PPARA: variants seen among roughly 807,000 people sequenced by gnomAD.
The protein encoded by PPARA is peroxisome proliferator-activated receptor alpha.
A neutral mutation model predicts 42.2 loss-of-function variants in PPARA; 22 were observed. The ratio of observed to expected loss-of-function variants is 0.52; its 90% CI spans 0.37 to 0.74. The LOEUF is 0.74. PPARA is among the 30% of genes least tolerant of loss of function. PPARA has a pLI of 0.00. For synonymous variants in PPARA, 242 were observed against 239.3 expected, an observed-to-expected ratio of 1.01 and a Z score of -0.10; for missense variants, 465 against 608.2, an observed-to-expected ratio of 0.76 and a Z score of 2.48.
rs1933936637 is a variant in PPARA, at chr22:46,211,555, C to T, written c.209-3618C>T. ...TTGTTTTGTTACATTCTGCATTTCA[C>T]CCTGGGATCCTCCAACCTCCTAAGT... On this transcript the variant is annotated intron_variant, in intron 4 of 8. Coordinates refer to ENST00000407236, the MANE Select transcript of PPARA (RefSeq NM_005036.6). This position sits in a 1 kb window ranked among gnomAD's most constrained non-coding sequence, Gnocchi z 4.1. Among the ~76,000 whole-genome samples, 1 of 152,190 alleles carries T rather than the reference C, an allele frequency of 6.6e-6. No homozygotes were observed. Among genetic ancestry groups the T allele is most frequent in the Non-Finnish European group, 1.5e-5 (1 of 68,038 alleles).
intron 2 of PPARA, among the ~76,000 whole-genome samples, chr22:46,169,476 T>C (rs1453618332): frequency 5.3e-5 from 8 of 151,740 alleles, no homozygotes; most frequent in Non-Finnish European, 1.2e-4. Flanking sequence ...TGTCGTGATC[T>C]GCCCGCCTCG....
rs1601616092 is a variant in PPARA at position 46,165,422 on chromosome 22, T to C, written c.-126-11331T>C. 2 of 152,132 alleles carry C rather than the reference T, an allele frequency of 1.3e-5. No homozygotes were observed. Among genetic ancestry groups the C allele is most frequent in the Admixed American group, 1.3e-4 (2 of 15,264 alleles). The allele number at this position is 152,132 out of a possible 1,614,324, so 9.4% of individuals were successfully genotyped here. A position where few individuals can be genotyped will look rare whatever the true frequency, so the allele number is the denominator to read the frequency against. On this transcript the variant is annotated intron_variant, in intron 2 of 8. Transcript: ENST00000407236. The surrounding 1 kb of genome is among the most constrained non-coding windows in gnomAD (Gnocchi z 5.5). ...GAATCTTTAAACATATGTGGAGGAA[T>C]TGGAGAGTTTACAAGATAGTGAAGA...
At position 46,232,315 on chromosome 22, in the gene PPARA, C is replaced by T; in HGVS notation, c.1159+76C>T. On this transcript the variant is annotated intron_variant, in intron 8 of 8. Coordinates refer to ENST00000407236, the MANE Select transcript of PPARA (RefSeq NM_005036.6). The surrounding 1 kb of genome is among the most constrained non-coding windows in gnomAD (Gnocchi z 5.3). ...CTTGAAAAATTTGACAATGGGAAAT[C>T]CAGTACCAGCCTGAGCTGTTCCAGT... The T allele has an allele frequency of 6.9e-7, 1 of 1,454,378 alleles. No homozygotes were observed. Among genetic ancestry groups the T allele is most frequent in the Non-Finnish European group, 9.6e-7 (1 of 1,037,870 alleles). The allele number at this position is 1,454,378 out of a possible 1,614,324, so 90.1% of individuals were successfully genotyped here. A position where few individuals can be genotyped will look rare whatever the true frequency, so the allele number is the denominator to read the frequency against.
chr22:46,230,079 A>G lies in PPARA; in HGVS notation c.712-1713A>G, dbSNP rs1280202640. Reference sequence around the variant, plus strand: ...TCCACTGTTCCAGCAGTGATTAGAAATAACGCTGTAGGCCGGGCGCGGTGG... The same window carrying G: ...TCCACTGTTCCAGCAGTGATTAGAAGTAACGCTGTAGGCCGGGCGCGGTGG... On this transcript the variant is annotated intron_variant, in intron 7 of 8. Transcript: ENST00000407236. This position sits in a 1 kb window ranked among gnomAD's most constrained non-coding sequence, Gnocchi z 5.0. Among the ~76,000 whole-genome samples, 1 of 152,170 alleles carries G rather than the reference A, an allele frequency of 6.6e-6. No homozygotes were observed. The highest frequency in any genetic ancestry group is 2.4e-5 in the African/African-American group (1 of 41,442).
At position 46,190,134 on chromosome 22, in the gene PPARA, T is replaced by TC. The variant is rs1299145929; in HGVS notation, c.-42-8208_-42-8207insC. Among the ~76,000 whole-genome samples the TC allele has an allele frequency of 2.0e-5, 3 of 152,200 alleles. No individual in the cohort carries two copies. The highest frequency in any genetic ancestry group is 4.4e-5 in the Non-Finnish European group (3 of 68,044). ...AATTGAGCGAAAAGACTTCTAGATG[T>TC]TAAATATGATATTCAAAAAATATAA... On this transcript the variant is annotated intron_variant, in intron 3 of 8. Transcript: ENST00000407236. This position sits in a 1 kb window ranked among gnomAD's most constrained non-coding sequence, Gnocchi z 5.6.
chr22:46,166,618 CAA>C (rs60478706), intron 2 of PPARA, among the ~76,000 whole-genome samples: 1 of 105,840 alleles, frequency 9.4e-6, no homozygotes, highest in Non-Finnish European at 2.0e-5. Context: ...ACTACCATCT[CAA>C]AAAAAAAAAA....
At chr22:46,209,725 G>A (rs1956140888) in intron 4 of PPARA, among the ~76,000 whole-genome samples, 1 of 152,036 alleles carries the variant, frequency 6.6e-6, no homozygotes, top group South Asian at 2.1e-4. Context: ...TAAACATTTA[G>A]AATATGGTCA....
In PPARA at chr22:46,231,160, G is replaced by A. The variant is rs900619109; in HGVS notation, c.712-632G>A. Among the ~76,000 whole-genome samples, 2 of 151,702 alleles carry A rather than the reference G, an allele frequency of 1.3e-5. No individual in the cohort carries two copies. The highest frequency in any genetic ancestry group is 2.4e-5 in the African/African-American group (1 of 41,256). On this transcript the variant is annotated intron_variant, in intron 7 of 8. Transcript: ENST00000407236. This position sits in a 1 kb window ranked among gnomAD's most constrained non-coding sequence, Gnocchi z 7.7. ...CAACGTCCACCTCCCAGGTTCAAGC[G>A]ATTCTCCTGCCTCAGCCTCCCGAGT... is the stretch of plus-strand genomic sequence containing the variant.
intron 2 of PPARA, among the ~76,000 whole-genome samples, chr22:46,152,591 C>T (rs1200757384): frequency 6.6e-6 from 1 of 152,048 alleles, no homozygotes; most frequent in Non-Finnish European, 1.5e-5. Flanking sequence ...TGACTGGTAC[C>T]GAGTAGTGTA....
Position 46,225,049 on chromosome 22 carries a change from G to C in PPARA, c.711+5035G>C, listed in dbSNP as rs993792366. ...GGAGGCTTGGGTCGGGGTTGGAACC[G>C]GCCAGGGTGCACGGAGGAGGCTGTG... On this transcript the variant is annotated intron_variant, in intron 7 of 8. Coordinates refer to ENST00000407236, the MANE Select transcript of PPARA (RefSeq NM_005036.6). This position sits in a 1 kb window ranked among gnomAD's most constrained non-coding sequence, Gnocchi z 4.1. Among the ~76,000 whole-genome samples the C allele has an allele frequency of 6.6e-6, 1 of 152,100 alleles. No individual in the cohort carries two copies. Among genetic ancestry groups the C allele is most frequent in the Non-Finnish European group, 1.5e-5 (1 of 68,006 alleles).
Position 46,235,847 on chromosome 22 carries a change from G to T in PPARA, c.*467G>T. The T allele has an allele frequency of 5.8e-6, 1 of 173,090 alleles. No individual in the cohort carries two copies. Among genetic ancestry groups the T allele is most frequent in the East Asian group, 1.5e-4 (1 of 6,628 alleles). The allele number at this position is 173,090 out of a possible 1,614,324, so 10.7% of individuals were successfully genotyped here. ...TATAAGTCTAGATGTATCCAAAGGT[G>T]AAGTATGTAAAAAGCAGCAAAATAT... On this transcript the variant is annotated 3_prime_UTR_variant, in exon 9 of 9. Coordinates refer to ENST00000407236, the MANE Select transcript of PPARA (RefSeq NM_005036.6). This position sits in a 1 kb window ranked among gnomAD's most constrained non-coding sequence, Gnocchi z 7.0.
chr22:46,166,901 A>C (rs749769814), intron 2 of PPARA, among the ~76,000 whole-genome samples: 3 of 152,230 alleles, frequency 2.0e-5, no homozygotes, highest in Non-Finnish European at 2.9e-5. Context: ...TTATATGGAA[A>C]TGCAAGGAAC....
At chr22:46,198,881 C>T (rs1283689132) in intron 4 of PPARA, among the ~76,000 whole-genome samples, 1 of 152,022 alleles carries the variant, frequency 6.6e-6, no homozygotes, top group Non-Finnish European at 1.5e-5. Flanking sequence ...GGATGGTCTC[C>T]ATCTCCTGAC....
At chr22:46,213,791 G>T (rs1258442330) in intron 4 of PPARA, among the ~76,000 whole-genome samples, 1 of 152,070 alleles carries the variant, frequency 6.6e-6, no homozygotes, top group Non-Finnish European at 1.5e-5. Context: ...GAGTTTCACC[G>T]TGTTAGCCAG....
rs1297506339 is a variant in PPARA, at chr22:46,182,620, C to CT, written c.-43+5785dup. Among the ~76,000 whole-genome samples, 1 of 152,132 alleles carries CT rather than the reference C, an allele frequency of 6.6e-6. No homozygotes were observed. Among genetic ancestry groups the CT allele is most frequent in the Non-Finnish European group, 1.5e-5 (1 of 68,032 alleles). ...TGAGGATGATGGGTCTGCGTACTGTCTCGGCTATGATAGTGGTTTCACAGG... is the reference window on the plus strand; with the variant it reads ...TGAGGATGATGGGTCTGCGTACTGTCTTCGGCTATGATAGTGGTTTCACAGG... On this transcript the variant is annotated intron_variant, in intron 3 of 8. Coordinates refer to ENST00000407236, the MANE Select transcript of PPARA (RefSeq NM_005036.6). The surrounding 1 kb of genome is among the most constrained non-coding windows in gnomAD (Gnocchi z 5.2).
At chr22:46,189,618 G>A (rs1284072625) in intron 3 of PPARA, among the ~76,000 whole-genome samples, 1 of 152,020 alleles carries the variant, frequency 6.6e-6, no homozygotes, top group Admixed American at 6.6e-5. Context: ...TGTTTTAAAT[G>A]TGTTTCCATT....
rs1460317142 is a variant in PPARA, at chr22:46,225,088, G to T, written c.711+5074G>T. On this transcript the variant is annotated intron_variant, in intron 7 of 8. Coordinates refer to ENST00000407236, the MANE Select transcript of PPARA (RefSeq NM_005036.6). The surrounding 1 kb of genome is among the most constrained non-coding windows in gnomAD (Gnocchi z 4.1). ...GAGGAGGCTGTGGGGGCAGGGGGAG[G>T]CCGCTGCATGGAGCCGCATAGATGC... Among the ~76,000 whole-genome samples the T allele has an allele frequency of 6.6e-6, 1 of 152,140 alleles. No individual in the cohort carries two copies. Among genetic ancestry groups the T allele is most frequent in the Admixed American group, 6.5e-5 (1 of 15,274 alleles).
In PPARA at chr22:46,182,893, C is replaced by T. The variant is rs1930167119; in HGVS notation, c.-43+6057C>T. ...CCAAGTAGCTGAGACTACAGGCATA[C>T]GCCACCATGCCCAGCTAATTTTTCT... On this transcript the variant is annotated intron_variant, in intron 3 of 8. Coordinates refer to ENST00000407236, the MANE Select transcript of PPARA (RefSeq NM_005036.6). This position sits in a 1 kb window ranked among gnomAD's most constrained non-coding sequence, Gnocchi z 5.2. Among the ~76,000 whole-genome samples the T allele has an allele frequency of 6.6e-6, 1 of 152,030 alleles. No homozygotes were observed.
At chr22:46,166,241 C>A (rs1374656560) in intron 2 of PPARA, among the ~76,000 whole-genome samples, 1 of 152,196 alleles carries the variant, frequency 6.6e-6, no homozygotes, top group African/African-American at 2.4e-5. Context: ...ATCTGTCGGT[C>A]AGTTTCATGC....
Sources: allele counts gnomAD v4.1 joint callset (sites outside exome capture counted in the v4.1 genomes callset), GRCh38; gene constraint gnomAD v4.1.1; non-coding constraint Gnocchi (gnomAD v3.1); transcripts MANE v1.5; gene names NCBI Gene and HGNC (gene_info 2026-07-23, HGNC 2026-07-21).